Variants in MSRA observed in about 807,000 individuals in gnomAD.
The protein encoded by MSRA is methionine sulfoxide reductase A, also known as mitochondrial peptide methionine sulfoxide reductase.
In MSRA, 54 loss-of-function variants were observed where a neutral mutation model predicts 31.3. That is an observed-to-expected ratio of 1.73 (90% CI 1.39 to 2.17). The LOEUF (loss-of-function observed/expected upper bound fraction) is 2.17, where lower values mean the gene tolerates loss of function less well. Ranked by LOEUF, MSRA falls within the 30% of genes most tolerant of loss-of-function variation. The pLI is 0.00. For missense variants in MSRA, 507 were observed against 300.9 expected, an observed-to-expected ratio of 1.69 and a Z score of -5.07; for synonymous variants, 169 against 116.5, an observed-to-expected ratio of 1.45 and a Z score of -2.90.
chr8:10,230,780 T>A (rs11993140), intron 2 of MSRA, among the ~76,000 whole-genome samples: 7,912 of 152,172 alleles, frequency 0.052, 494 homozygotes, highest in East Asian at 0.22. Context: ...TTTGTGGGTT[T>A]GTTGTTGTTG....
At chr8:10,221,753 A>C (rs897824035) in intron 2 of MSRA, among the ~76,000 whole-genome samples, 4 of 152,158 alleles carry the variant, frequency 2.6e-5, no homozygotes, top group African/African-American at 7.2e-5. Context: ...AGGAAATGCT[A>C]GGCTAGGTTG....
intron 5 of MSRA, chr8:10,410,991 C>A (rs886463549): frequency 2.6e-5 from 4 of 151,382 alleles, no homozygotes; most frequent in African/African-American, 2.4e-5. Flanking sequence ...TTTCTCCCTC[C>A]CTCCTTCTCG....
chr8:10,273,632 C>A (rs996316219), intron 3 of MSRA, among the ~76,000 whole-genome samples: 5 of 152,174 alleles, frequency 3.3e-5, no homozygotes, highest in African/African-American at 1.2e-4. Flanking sequence ...CTCCCACCAT[C>A]TCACTTCTTC....
At position 10,288,352 on chromosome 8, in the gene MSRA, A is replaced by T. The variant is rs117336607; in HGVS notation, c.332-13182A>T. 6.7e-3 allele frequency among the ~76,000 whole-genome samples: 1,026 copies of T among 152,194 alleles called. 11 individuals carry two copies. Among genetic ancestry groups the T allele is most frequent in the East Asian group, 0.036 (186 of 5,172 alleles). On this transcript the variant is annotated intron_variant, in intron 3 of 5. Coordinates refer to ENST00000317173, the MANE Select transcript of MSRA (RefSeq NM_012331.5). ...AGATATTTTTGTCCCCCAAGAACCG[A>T]TTTTTGCCCCCTTGAAGTGACACCA...
chr8:10,371,026 C>T (rs1169822608), intron 5 of MSRA, among the ~76,000 whole-genome samples: 1 of 152,200 alleles, frequency 6.6e-6, no homozygotes, highest in East Asian at 1.9e-4. Context: ...ATGATTCTTA[C>T]CCTAGGCACA....
chr8:10,173,405 A>T (rs1344729251), intron 1 of MSRA, among the ~76,000 whole-genome samples: 1 of 152,236 alleles, frequency 6.6e-6, no homozygotes, highest in Non-Finnish European at 1.5e-5. Flanking sequence ...TGGCGTCATG[A>T]TTTAACTTTG....
At chr8:10,107,505 A>C (rs1184245068) in intron 1 of MSRA, among the ~76,000 whole-genome samples, 4 of 152,182 alleles carry the variant, frequency 2.6e-5, no homozygotes, top group Non-Finnish European at 4.4e-5. Context: ...GACTCAGAAC[A>C]TTCCTGTTTC....
intron 1 of MSRA, among the ~76,000 whole-genome samples, chr8:10,195,898 C>A (rs1807927892): frequency 6.6e-6 from 1 of 152,198 alleles, no homozygotes; most frequent in African/African-American, 2.4e-5. Flanking sequence ...ATAGCCCTGA[C>A]CTTACCCTGC....
intron 1 of MSRA, among the ~76,000 whole-genome samples, chr8:10,206,134 A>G (rs961426165): frequency 6.6e-6 from 1 of 152,206 alleles, no homozygotes; most frequent in East Asian, 1.9e-4. Flanking sequence ...GGTCAAGGCA[A>G]ATGTTTTCCA....
At chr8:10,172,631 C>G (rs190141123) in intron 1 of MSRA, among the ~76,000 whole-genome samples, 3 of 152,186 alleles carry the variant, frequency 2.0e-5, no homozygotes, top group Non-Finnish European at 2.9e-5. Context: ...AGAAATGGCT[C>G]CACTTGATAT....
chr8:10,218,520 G>A lies in MSRA; in HGVS notation c.211+10619G>A, dbSNP rs75020250. 6.5e-3 allele frequency among the ~76,000 whole-genome samples: 983 copies of A among 152,258 alleles called. 74 individuals carry two copies. The East Asian group carries it at 0.15, about 23-fold the overall frequency. On this transcript the variant is annotated intron_variant, in intron 2 of 5. Transcript: ENST00000317173. Reference sequence around the variant, plus strand: ...TCAGTCCATTATTTTCTTAGAAACTGCAAGATATTCTAATTCTAGCATTTT... The same window carrying A: ...TCAGTCCATTATTTTCTTAGAAACTACAAGATATTCTAATTCTAGCATTTT...
At chr8:10,416,393 G>C (rs763668326) in intron 5 of MSRA, among the ~76,000 whole-genome samples, 1 of 152,188 alleles carries the variant, frequency 6.6e-6, no homozygotes, top group Non-Finnish European at 1.5e-5. Context: ...GAAAGCCCAG[G>C]AAAACCAACG....
intron 1 of MSRA, among the ~76,000 whole-genome samples, chr8:10,173,043 C>A (rs1203367957): frequency 1.3e-5 from 2 of 152,186 alleles, no homozygotes; most frequent in Non-Finnish European, 2.9e-5. Flanking sequence ...AAAGAGAAAG[C>A]ATGTATAAAG....
At chr8:10,207,753 C>G in intron 1 of MSRA, 80 bp from the exon 2 acceptor site, 1 of 1,268,356 alleles carries the variant, frequency 7.9e-7, no homozygotes, top group Non-Finnish European at 1.1e-6. Flanking sequence ...GAAATAGGCT[C>G]ATTGACACAT....
At chr8:10,399,882 T>C (rs1433791663) in intron 5 of MSRA, among the ~76,000 whole-genome samples, 2 of 152,042 alleles carry the variant, frequency 1.3e-5, no homozygotes, top group Non-Finnish European at 2.9e-5. Context: ...CTGCTTTAGA[T>C]GGATGGTCTT....
At chr8:10,402,178 C>T (rs1276457606) in intron 5 of MSRA, among the ~76,000 whole-genome samples, 1 of 152,218 alleles carries the variant, frequency 6.6e-6, no homozygotes, top group Admixed American at 6.5e-5. Flanking sequence ...TGTCCACTCC[C>T]TGTGCGATGC....
chr8:10,109,370 C>A (rs552579275), intron 1 of MSRA, among the ~76,000 whole-genome samples: 16 of 149,296 alleles, frequency 1.1e-4, no homozygotes, highest in African/African-American at 3.5e-4. Context: ...GAGATGGGGT[C>A]TTACTCTGTC....
At chr8:10,410,225 A>G (rs1177782088) in intron 5 of MSRA, among the ~76,000 whole-genome samples, 1 of 152,184 alleles carries the variant, frequency 6.6e-6, no homozygotes, top group African/African-American at 2.4e-5. Flanking sequence ...ACGCTTGGCC[A>G]GGAGCCACCA....
chr8:10,368,147 A>G (rs906109159), intron 5 of MSRA, among the ~76,000 whole-genome samples: 2 of 152,242 alleles, frequency 1.3e-5, no homozygotes, highest in Admixed American at 1.3e-4. Flanking sequence ...TCGCTGATCC[A>G]GATCGTGGGA....
Sources: allele counts gnomAD v4.1 joint callset (sites outside exome capture counted in the v4.1 genomes callset), GRCh38; gene constraint gnomAD v4.1.1; transcripts MANE v1.5; gene names NCBI Gene and HGNC (gene_info 2026-07-23, HGNC 2026-07-21).